The following TTC9 variants were observed in gnomAD, a reference collection of about 807,000 sequenced individuals.
TTC9 encodes tetratricopeptide repeat domain 9.
A neutral mutation model predicts 22.9 loss-of-function variants in TTC9; 13 were observed. The observed-to-expected ratio is 0.57, with a 90% CI of 0.37 to 0.90. The LOEUF is 0.90. Ranked by LOEUF, TTC9 falls within the 40% of genes least tolerant of loss-of-function variation. The pLI is 0.01. For synonymous variants in TTC9, 148 were observed against 133.2 expected (o/e 1.11, Z -0.77); for missense variants, 280 against 291.8 (o/e 0.96, Z 0.29).
chr14:70,669,579 C>G (rs61980477), intron 2 of TTC9, among the ~76,000 whole-genome samples: 1 of 148,894 alleles, frequency 6.7e-6, no homozygotes, highest in Admixed American at 6.7e-5. Context: ...CCACACCCAG[C>G]CTTTTTTTTT....
chr14:70,665,935 C>T (rs1886209328), intron 1 of TTC9, among the ~76,000 whole-genome samples: 2 of 152,112 alleles, frequency 1.3e-5, no homozygotes, highest in African/African-American at 2.4e-5. Flanking sequence ...GCCACCCAGC[C>T]GGGTTGTGAA....
intron 1 of TTC9, among the ~76,000 whole-genome samples, chr14:70,658,157 A>G (rs976477335): frequency 6.6e-6 from 1 of 152,170 alleles, no homozygotes; most frequent in Non-Finnish European, 1.5e-5. Context: ...CTCTTTCCCC[A>G]TAAGAGCTAA....
intron 1 of TTC9, among the ~76,000 whole-genome samples, chr14:70,645,821 G>A (rs1885894110): frequency 6.6e-6 from 1 of 152,224 alleles, no homozygotes; most frequent in South Asian, 2.1e-4. Context: ...ACACAAAGCT[G>A]TGCATAGAGA....
At chr14:70,651,957 T>A (rs1015397514) in intron 1 of TTC9, among the ~76,000 whole-genome samples, 13 of 144,616 alleles carry the variant, frequency 9.0e-5, no homozygotes, top group East Asian at 6.0e-4. Flanking sequence ...CTTTCTGGTT[T>A]AAAAAAAAAA....
chr14:70,652,925 G>C (rs1186428381), intron 1 of TTC9, among the ~76,000 whole-genome samples: 8 of 152,184 alleles, frequency 5.3e-5, no homozygotes, highest in Admixed American at 5.2e-4. Flanking sequence ...GAAAAGATAG[G>C]AAGCAACCTA....
At chr14:70,644,628 G>A (rs1442839827) in intron 1 of TTC9, among the ~76,000 whole-genome samples, 1 of 152,168 alleles carries the variant, frequency 6.6e-6, no homozygotes, top group Non-Finnish European at 1.5e-5. Flanking sequence ...GGGCTCCAAA[G>A]CCTTGCACTT....
intron 1 of TTC9, among the ~76,000 whole-genome samples, chr14:70,662,306 T>A (rs964600312): frequency 2.0e-5 from 3 of 151,990 alleles, no homozygotes; most frequent in Non-Finnish European, 4.4e-5. Flanking sequence ...CAGCCTCCTC[T>A]GCTCATGATG....
At chr14:70,655,609 G>C (rs1284872357) in intron 1 of TTC9, among the ~76,000 whole-genome samples, 2 of 152,100 alleles carry the variant, frequency 1.3e-5, no homozygotes, top group Non-Finnish European at 2.9e-5. Context: ...TTCTCACGTG[G>C]GCTGGGGCCA....
intron 1 of TTC9, among the ~76,000 whole-genome samples, chr14:70,644,177 C>T (rs1885870178): frequency 6.6e-6 from 1 of 152,198 alleles, no homozygotes; most frequent in African/African-American, 2.4e-5. Flanking sequence ...CAACCAGTGG[C>T]TAGCACTGCC....
chr14:70,657,252 G>C (rs72719802), intron 1 of TTC9, among the ~76,000 whole-genome samples: 1,552 of 152,320 alleles, frequency 0.01, 29 homozygotes, highest in Admixed American at 0.05. Flanking sequence ...CTGGGCACAG[G>C]CCACGATGAG....
At chr14:70,643,037 C>T (rs1364869019) in intron 1 of TTC9, among the ~76,000 whole-genome samples, 2 of 152,222 alleles carry the variant, frequency 1.3e-5, no homozygotes, top group African/African-American at 4.8e-5. Flanking sequence ...GCCCCAGTAG[C>T]AAAGGGGAGT....
At chr14:70,662,678 G>A (rs1886161264) in intron 1 of TTC9, among the ~76,000 whole-genome samples, 1 of 152,210 alleles carries the variant, frequency 6.6e-6, no homozygotes, top group South Asian at 2.1e-4. Context: ...CTCTCATTTT[G>A]CAGATGCCCA....
intron 2 of TTC9, among the ~76,000 whole-genome samples, chr14:70,669,357 A>G (rs974776526): frequency 2.0e-5 from 3 of 151,900 alleles, no homozygotes; most frequent in Non-Finnish European, 2.9e-5. Flanking sequence ...TCAGCTCACT[A>G]CGACTTCCGC....
At chr14:70,646,641 AC>A (rs1339609099) in intron 1 of TTC9, among the ~76,000 whole-genome samples, 31 of 152,180 alleles carry the variant, frequency 2.0e-4, no homozygotes, top group African/African-American at 7.5e-4. Context: ...TCCCTGGGAT[AC>A]CTTGTGACCT....
chr14:70,659,519 A>G (rs1336989262), intron 1 of TTC9, among the ~76,000 whole-genome samples: 3 of 152,170 alleles, frequency 2.0e-5, no homozygotes, highest in African/African-American at 7.2e-5. Flanking sequence ...AGAACTTAGG[A>G]AAAAAAGCAG....
chr14:70,643,409 C>T (rs1885857093), intron 1 of TTC9, among the ~76,000 whole-genome samples: 1 of 152,192 alleles, frequency 6.6e-6, no homozygotes, highest in Admixed American at 6.5e-5. Flanking sequence ...AAAGAAGAGT[C>T]TGGCTCTTGC....
At chr14:70,660,480 T>A (rs1267297015) in intron 1 of TTC9, among the ~76,000 whole-genome samples, 1 of 152,256 alleles carries the variant, frequency 6.6e-6, no homozygotes, top group Admixed American at 6.5e-5. Flanking sequence ...TCTAAAGAAC[T>A]AGTATTTATG....
intron 1 of TTC9, among the ~76,000 whole-genome samples, chr14:70,644,378 T>C (rs932245142): frequency 2.0e-5 from 3 of 152,218 alleles, no homozygotes; most frequent in African/African-American, 7.2e-5. Flanking sequence ...CTCTGCTGCC[T>C]TCTCCAGTGC....
chr14:70,642,101 C>T lies in TTC9; in HGVS notation c.-29C>T. The stretch of plus-strand genomic sequence containing the variant: ...GGCGGCGGCGGCGGGCAGATCGCGG[C>T]GCGCACCAGGCGCCGGGGCGGCGGC... On this transcript the variant is annotated 5_prime_UTR_variant, in exon 1 of 3. Transcript: ENST00000256367. The T allele has an allele frequency of 9.3e-7, 1 of 1,076,700 alleles. No individual in the cohort carries two copies. The highest frequency in any genetic ancestry group is 1.1e-6 in the Non-Finnish European group (1 of 890,696). 66.7% of individuals were successfully genotyped at this position (1,076,700 alleles called of 1,614,324 possible).
Sources: gnomAD v4.1 joint callset for allele counts (sites outside exome capture counted in the v4.1 genomes callset) on GRCh38, gnomAD v4.1.1 for gene constraint, MANE v1.5 for transcripts, NCBI Gene and HGNC (gene_info 2026-07-23, HGNC 2026-07-21) for gene names.